MXRA7: variants seen among roughly 807,000 people sequenced by gnomAD.
MXRA7 encodes matrix remodeling associated 7, also known as matrix-remodeling-associated protein 7.
MXRA7 carries 18 observed loss-of-function variants against 17.4 expected under a neutral mutation model. That is an observed-to-expected ratio of 1.03 (90% CI 0.71 to 1.53). The LOEUF is 1.53. MXRA7 is among the 40% of genes most tolerant of loss of function. MXRA7 has a pLI of 0.00. For synonymous variants in MXRA7, 70 were observed against 101.7 expected (o/e 0.69, Z 1.87); for missense variants, 141 against 209.3 (o/e 0.67, Z 2.01).
At chr17:76,705,686 C>T (rs1330276770) in intron 1 of MXRA7, among the ~76,000 whole-genome samples, 1 of 152,190 alleles carries the variant, frequency 6.6e-6, no homozygotes. Flanking sequence ...ACATCCCTCT[C>T]TCTCTGGCAT....
At chr17:76,691,422 C>T (rs2076477284) in intron 1 of MXRA7, among the ~76,000 whole-genome samples, 1 of 152,154 alleles carries the variant, frequency 6.6e-6, no homozygotes, top group South Asian at 2.1e-4. Flanking sequence ...GCAAATTACT[C>T]AACTTGAGGA....
exon 4 of MXRA7, chr17:76,674,165 T>C (rs2076222624): frequency 6.6e-6 from 1 of 152,198 alleles, no homozygotes; most frequent in South Asian, 2.1e-4. Context: ...GATTGGCTTC[T>C]GTAGGCCTCT....
At chr17:76,673,315 C>G (rs754583054) in exon 4 of MXRA7, 2 of 152,264 alleles carry the variant, frequency 1.3e-5, no homozygotes, top group African/African-American at 4.8e-5. Flanking sequence ...TCTGCCACCT[C>G]TCCTGCAGTG....
intron 1 of MXRA7, among the ~76,000 whole-genome samples, chr17:76,691,896 C>T (rs988763365): frequency 6.6e-6 from 1 of 152,216 alleles, no homozygotes; most frequent in Non-Finnish European, 1.5e-5. Context: ...ACAATGAGCA[C>T]AGTCCCTGCC....
At chr17:76,706,143 A>ACAGAGGCCCACG (rs1555645164) in intron 1 of MXRA7, among the ~76,000 whole-genome samples, 82 of 54,310 alleles carry the variant, frequency 1.5e-3, no homozygotes, top group Admixed American at 2.6e-3. Flanking sequence ...AAAGGACCAC[A>ACAGAGGCCCACG]CTGCCGTCAC....
intron 1 of MXRA7, among the ~76,000 whole-genome samples, chr17:76,709,107 T>C (rs1451861919): frequency 1.3e-5 from 2 of 152,118 alleles, no homozygotes; most frequent in African/African-American, 2.4e-5. Flanking sequence ...CCCCACAGGA[T>C]TGAGCTAAGA....
At chr17:76,683,964 C>A (rs746785149) in intron 3 of MXRA7, 1 of 1,532,780 alleles carries the variant, frequency 6.5e-7, no homozygotes, top group East Asian at 2.2e-5. Context: ...TCATGCCAAG[C>A]GGCAGCATCC....
chr17:76,697,197 A>G (rs867655448), intron 1 of MXRA7, among the ~76,000 whole-genome samples: 1 of 152,208 alleles, frequency 6.6e-6, no homozygotes, highest in Non-Finnish European at 1.5e-5. Flanking sequence ...TGCTGTCCTT[A>G]TAAGAGGAAA....
chr17:76,687,224 T>C (rs933476082), intron 2 of MXRA7, among the ~76,000 whole-genome samples: 7 of 152,172 alleles, frequency 4.6e-5, no homozygotes, highest in African/African-American at 1.7e-4. Context: ...CCAAGCTTCA[T>C]TCTCCCCTCC....
downstream of MXRA7, among the ~76,000 whole-genome samples, chr17:76,679,302 A>AAAAG (rs1567974789): frequency 6.6e-6 from 1 of 151,216 alleles, no homozygotes; most frequent in Non-Finnish European, 1.5e-5. Context: ...AAAAAAAAAA[A>AAAAG]AAGAAGAAGA....
At chr17:76,697,876 GCTGAAGT>G (rs2076548522) in intron 1 of MXRA7, among the ~76,000 whole-genome samples, 1 of 151,934 alleles carries the variant, frequency 6.6e-6, no homozygotes, top group African/African-American at 2.4e-5. Flanking sequence ...GATGCAAAGT[GCTGAAGT>G]CGGGAGAGGG....
intron 2 of MXRA7, among the ~76,000 whole-genome samples, chr17:76,686,574 T>C (rs988675971): frequency 1.3e-5 from 2 of 152,168 alleles, no homozygotes; most frequent in African/African-American, 4.8e-5. Context: ...AGTTTTGTTT[T>C]CTGAGCCAGA....
At chr17:76,697,297 G>A (rs927831890) in intron 1 of MXRA7, among the ~76,000 whole-genome samples, 8 of 152,292 alleles carry the variant, frequency 5.3e-5, no homozygotes, top group Non-Finnish European at 8.8e-5. Context: ...GCAAGCCAGC[G>A]AGACAGGGCT....
chr17:76,688,639 A>G (rs542532866), intron 1 of MXRA7: 283 of 1,240,692 alleles, frequency 2.3e-4, no homozygotes, highest in South Asian at 1.6e-3. Context: ...CAACTCTCTC[A>G]GTGTCCATGT....
chr17:76,699,649 G>A (rs1488923975), intron 1 of MXRA7, among the ~76,000 whole-genome samples: 1 of 152,204 alleles, frequency 6.6e-6, no homozygotes, highest in Non-Finnish European at 1.5e-5. Flanking sequence ...CCACTGGGTA[G>A]GGGTGGTGGG....
At chr17:76,705,503 C>T (rs2076645477) in intron 1 of MXRA7, among the ~76,000 whole-genome samples, 2 of 152,202 alleles carry the variant, frequency 1.3e-5, no homozygotes, top group South Asian at 4.1e-4. Context: ...CAGTAAGTCA[C>T]TGGGCCTGTT....
At chr17:76,690,019 A>AAAAAAGAAC (rs1567983036) in intron 1 of MXRA7, 1 of 136,530 alleles carries the variant, frequency 7.3e-6, no homozygotes, top group African/African-American at 2.9e-5. Context: ...TAAAAAAAGA[A>AAAAAAGAAC]AAAAAAAAAA....
Position 76,706,814 on chromosome 17 carries a change from G to A in MXRA7, c.342+3791C>T, listed in dbSNP as rs539847362. The stretch of plus-strand genomic sequence containing the variant: ...CTTCTTTGTTCCAACATTCTCTTTT[G>A]AAAAATTCCAAACCTACAGAAAAGT... On this transcript the variant is annotated intron_variant, in intron 1 of 3. Coordinates refer to ENST00000449428, the MANE Select transcript of MXRA7 (RefSeq NM_198530.4). 1.9e-4 allele frequency among the ~76,000 whole-genome samples: 29 copies of A among 152,330 alleles called. 1 individual carries two copies. In the South Asian group the frequency reaches 4.3e-3, roughly 23 times the overall value.
intron 1 of MXRA7, among the ~76,000 whole-genome samples, chr17:76,704,200 ATTT>A (rs1162372827): frequency 2.5e-4 from 16 of 63,428 alleles, no homozygotes; most frequent in African/African-American, 4.3e-4. Flanking sequence ...CTTCCTTCAG[ATTT>A]TTTTTTTTTT....
Sources: gnomAD v4.1 joint callset for allele counts (sites outside exome capture counted in the v4.1 genomes callset) on GRCh38, gnomAD v4.1.1 for gene constraint, MANE v1.5 for transcripts, NCBI Gene and HGNC (gene_info 2026-07-23, HGNC 2026-07-21) for gene names.